Variants in SLC24A2 observed in about 807,000 individuals in gnomAD.
SLC24A2 encodes solute carrier family 24 member 2.
In SLC24A2, 36 loss-of-function variants were observed where a neutral mutation model predicts 62.0. The observed-to-expected ratio is 0.58, with a 90% confidence interval of 0.44 to 0.77. The LOEUF (loss-of-function observed/expected upper bound fraction) is 0.77, where lower values mean the gene tolerates loss of function less well. SLC24A2 is among the 30% of genes least tolerant of loss of function. The pLI is 0.00. For missense variants in SLC24A2, 846 were observed against 817.9 expected, an observed-to-expected ratio of 1.03 and a Z score of -0.42; for synonymous variants, 358 against 294.0, an observed-to-expected ratio of 1.22 and a Z score of -2.23.
At chr9:19,636,738 C>T (rs1293513962) in intron 2 of SLC24A2, among the ~76,000 whole-genome samples, 1 of 151,994 alleles carries the variant, frequency 6.6e-6, no homozygotes, top group Non-Finnish European at 1.5e-5. Flanking sequence ...CTGGCCAGTA[C>T]TAGGGTTTTT....
At chr9:19,877,173 T>G in the SLC24A2 span, among the ~76,000 whole-genome samples, 1 of 150,858 alleles carries the variant, frequency 6.6e-6, no homozygotes. Flanking sequence ...TGGGCCCCAG[T>G]GAGGGCTGGG....
the SLC24A2 span, among the ~76,000 whole-genome samples, chr9:20,228,570 T>G: frequency 6.6e-6 from 1 of 151,840 alleles, no homozygotes; most frequent in Non-Finnish European, 1.5e-5. Context: ...TGCTGTAGGG[T>G]GGGTGCATTG....
chr9:19,598,713 A>T (rs1334050609), intron 4 of SLC24A2, among the ~76,000 whole-genome samples: 1 of 152,138 alleles, frequency 6.6e-6, no homozygotes, highest in Non-Finnish European at 1.5e-5. Flanking sequence ...GTATTTTAAG[A>T]ACAGTATTAT....
chr9:19,905,898 G>A, the SLC24A2 span, among the ~76,000 whole-genome samples: 2 of 152,116 alleles, frequency 1.3e-5, no homozygotes, highest in Admixed American at 6.6e-5. Flanking sequence ...ACATCCCACT[G>A]TCAACATTAG....
chr9:20,072,309 G>A, the SLC24A2 span, among the ~76,000 whole-genome samples: 1 of 152,208 alleles, frequency 6.6e-6, no homozygotes, highest in Admixed American at 6.5e-5. Context: ...TGTGCAATGA[G>A]GGTCTTATGA....
the SLC24A2 span, among the ~76,000 whole-genome samples, chr9:19,851,000 T>C: frequency 0.071 from 3,186 of 44,946 alleles, 266 homozygotes; most frequent in East Asian, 0.16. Flanking sequence ...TATATATATA[T>C]ACACATACAT....
intron 4 of SLC24A2, among the ~76,000 whole-genome samples, chr9:19,609,849 T>G (rs1837097285): frequency 6.6e-6 from 1 of 152,180 alleles, no homozygotes; most frequent in Non-Finnish European, 1.5e-5. Context: ...AGGCATTAGA[T>G]TCTCATAAGG....
the SLC24A2 span, among the ~76,000 whole-genome samples, chr9:20,278,925 A>G: frequency 2.0e-5 from 3 of 152,190 alleles, no homozygotes; most frequent in East Asian, 5.8e-4. Context: ...GGTTTAATTG[A>G]CTCACAGTTC....
chr9:19,598,477 G>A (rs1019475086), intron 4 of SLC24A2, among the ~76,000 whole-genome samples: 5 of 152,062 alleles, frequency 3.3e-5, no homozygotes, highest in African/African-American at 1.2e-4. Flanking sequence ...ATCTAAAATT[G>A]TTTTAATACG....
At chr9:19,532,127 G>C (rs760369956) in intron 8 of SLC24A2, among the ~76,000 whole-genome samples, 1 of 152,076 alleles carries the variant, frequency 6.6e-6, no homozygotes, top group South Asian at 2.1e-4. Context: ...TTGTTGCCCA[G>C]GCTGGAGTGC....
the SLC24A2 span, among the ~76,000 whole-genome samples, chr9:20,084,404 GA>G: frequency 2.6e-5 from 4 of 152,186 alleles, no homozygotes. Flanking sequence ...TAACAATTGG[GA>G]AACACTACAA....
At chr9:19,914,825 G>T in the SLC24A2 span, among the ~76,000 whole-genome samples, 1 of 152,056 alleles carries the variant, frequency 6.6e-6, no homozygotes, top group Non-Finnish European at 1.5e-5. Flanking sequence ...ATGTGGACAG[G>T]ATGGGATCCA....
chr9:19,559,627 G>A (rs970158461), intron 7 of SLC24A2, among the ~76,000 whole-genome samples: 5 of 152,070 alleles, frequency 3.3e-5, no homozygotes, highest in East Asian at 1.9e-4. Context: ...ACAGGGAAAC[G>A]CTCTGAAATC....
intron 2 of SLC24A2, among the ~76,000 whole-genome samples, chr9:19,711,000 A>G (rs575683099): frequency 1.3e-5 from 2 of 152,350 alleles, no homozygotes; most frequent in African/African-American, 2.4e-5. Context: ...ATAGAGATCT[A>G]TTGGCCACTT....
At chr9:20,205,624 C>G in the SLC24A2 span, among the ~76,000 whole-genome samples, 1 of 123,790 alleles carries the variant, frequency 8.1e-6, no homozygotes, top group South Asian at 2.7e-4. Context: ...GCACTCCAGG[C>G]TGGGTAACAG....
chr9:20,183,319 T>A, the SLC24A2 span, among the ~76,000 whole-genome samples: 2 of 152,168 alleles, frequency 1.3e-5, no homozygotes, highest in African/African-American at 4.8e-5. Flanking sequence ...TTATGGATCA[T>A]AAATATAAGA....
chr9:19,917,719 C>G, the SLC24A2 span, among the ~76,000 whole-genome samples: 98 of 152,132 alleles, frequency 6.4e-4, no homozygotes, highest in African/African-American at 2.2e-3. Context: ...GTATTTTTGT[C>G]TCATATCTAT....
the SLC24A2 span, among the ~76,000 whole-genome samples, chr9:20,273,795 T>A: frequency 6.6e-6 from 1 of 152,112 alleles, no homozygotes; most frequent in East Asian, 1.9e-4. Context: ...CTTACCCCCA[T>A]CTGTTCAATC....
At chr9:20,239,947 A>G in the SLC24A2 span, among the ~76,000 whole-genome samples, 2 of 151,428 alleles carry the variant, frequency 1.3e-5, no homozygotes, top group South Asian at 4.2e-4. Flanking sequence ...AGGTATTTCA[A>G]TTTGCCCATG....
Sources: gnomAD v4.1 joint callset for allele counts (sites outside exome capture counted in the v4.1 genomes callset) on GRCh38, gnomAD v4.1.1 for gene constraint, MANE v1.5 for transcripts, NCBI Gene and HGNC (gene_info 2026-07-23, HGNC 2026-07-21) for gene names.